CLUH: variants seen among roughly 807,000 people sequenced by gnomAD.
CLUH encodes the protein CLUH binding protein of NUMT mRNA.
In CLUH, 77 loss-of-function variants were observed where a neutral mutation model predicts 139.3. The ratio of observed to expected loss-of-function variants is 0.55; its 90% CI spans 0.46 to 0.67. CLUH has a LOEUF of 0.67. CLUH is among the 30% of genes least tolerant of loss of function. The pLI, the probability that CLUH is intolerant of heterozygous loss-of-function variation, is 0.00. For missense variants in CLUH, 1,876 were observed against 1,875.8 expected, an observed-to-expected ratio of 1.00 and a Z score of 0.00; for synonymous variants, 999 against 801.6, an observed-to-expected ratio of 1.25 and a Z score of -4.16.
Position 2,694,180 on chromosome 17 carries a change from G to C in CLUH, c.3034C>G (p.Pro1012Ala), listed in dbSNP as rs1034691708. ...AAATGGAAGGCATCCGAGGCCTTGG[G>C]GTTGACGTGCTTGACCACGGGGAAG... ...NIFPVVKHVN[P>A]KASDAFHFFQ... Residue 1012 changes from proline to alanine, a missense_variant, in exon 18 of 26, where the codon CCC (proline) becomes GCC (alanine). By Grantham distance (27) the Pro-to-Ala change is conservative. This residue lies in a region of CLUH where 1,454 missense variants were observed against 1,384.4 expected (regional missense o/e 1.05). Transcript: ENST00000651024. 6.2e-7 allele frequency: 1 copy of C among 1,613,294 alleles called. No homozygotes were observed.
chr17:2,690,437 G>A lies in CLUH; in HGVS notation c.*157C>T. 1 of 561,102 alleles carries A rather than the reference G, an allele frequency of 1.8e-6. No individual in the cohort carries two copies. Among genetic ancestry groups the A allele is most frequent in the Non-Finnish European group, 2.8e-6 (1 of 355,242 alleles). The allele number at this position is 561,102 out of a possible 1,614,324, so 34.8% of individuals were successfully genotyped here. A position where few individuals can be genotyped will look rare whatever the true frequency, so the allele number is the denominator to read the frequency against. ...CGCAAAAACACCTTCTGCGGGGCAGGCAGGCCAGGCTCCCAGGAGGACACG... is the reference window on the plus strand; with the variant it reads ...CGCAAAAACACCTTCTGCGGGGCAGACAGGCCAGGCTCCCAGGAGGACACG... On this transcript the variant is annotated 3_prime_UTR_variant, in exon 26 of 26. Coordinates refer to ENST00000651024, the MANE Select transcript of CLUH (RefSeq NM_001366661.1).
At chr17:2,702,143 C>T in intron 3 of CLUH, 86 bp from the exon 4 acceptor site, 1 of 1,478,296 alleles carries the variant, frequency 6.8e-7, no homozygotes, top group East Asian at 2.4e-5. Flanking sequence ...TTTGGAGGTG[C>T]TAACACAGTG....
At chr17:2,708,912 C>A (rs2070431574) in intron 1 of CLUH, among the ~76,000 whole-genome samples, 1 of 151,480 alleles carries the variant, frequency 6.6e-6, no homozygotes. Context: ...AAGGCCTCTA[C>A]ACCCTTGGGC....
chr17:2,700,487 C>G lies in CLUH; in HGVS notation c.1174-13G>C. On this transcript the variant is annotated splice_polypyrimidine_tract_variant and intron_variant, in intron 8 of 25. Transcript: ENST00000651024. Reference sequence around the variant, plus strand: ...TCCAGTCTCGGGTCTGCAGAGAGATCAGGGAGGGAAAAACGAGCTCAGCCT... The same window carrying G: ...TCCAGTCTCGGGTCTGCAGAGAGATGAGGGAGGGAAAAACGAGCTCAGCCT... 2.5e-6 allele frequency: 4 copies of G among 1,607,360 alleles called. No individual in the cohort carries two copies. Among genetic ancestry groups the G allele is most frequent in the Non-Finnish European group, 3.4e-6 (4 of 1,177,916 alleles).
chr17:2,700,842 AG>A lies in CLUH; in HGVS notation c.1026-18del. On this transcript the variant is annotated intron_variant, in intron 7 of 25. Coordinates refer to ENST00000651024, the MANE Select transcript of CLUH (RefSeq NM_001366661.1). ...CGCTGGACCCTGTGGCAGGCAGGGG[AG>A]GGGGAGATGGGGCAGCCCACCAAGC... is the stretch of plus-strand genomic sequence containing the variant. 1 of 1,508,086 alleles carries A rather than the reference AG, an allele frequency of 6.6e-7. No individual in the cohort carries two copies. The allele number at this position is 1,508,086 out of a possible 1,614,324, so 93.4% of individuals were successfully genotyped here.
intron 9 of CLUH, among the ~76,000 whole-genome samples, chr17:2,699,273 C>T (rs561355585): frequency 3.3e-5 from 5 of 152,168 alleles, no homozygotes; most frequent in Non-Finnish European, 5.9e-5. Flanking sequence ...AGTCGGTACC[C>T]GAGAAATGAG....
chr17:2,707,258 C>T lies in CLUH; in HGVS notation c.101-2694G>A. On this transcript the variant is annotated intron_variant, in intron 1 of 25. Coordinates refer to ENST00000651024, the MANE Select transcript of CLUH (RefSeq NM_001366661.1). This position sits in a 1 kb window ranked among gnomAD's most constrained non-coding sequence, Gnocchi z 7.4. ...AAGGCAGCCAGCTCTCCAGCTCAGC[C>T]CCAGCATTGCCCGGGTTCCTTGTTC... 1.2e-5 allele frequency: 12 copies of T among 985,428 alleles called. No homozygotes were observed. The highest frequency in any genetic ancestry group is 1.4e-5 in the Non-Finnish European group (12 of 829,916). 61.0% of individuals were successfully genotyped at this position (985,428 alleles called of 1,614,324 possible).
intron 16 of CLUH, 28 bp downstream of exon 16, chr17:2,694,822 TCCCACCC>T: frequency 1.5e-6 from 2 of 1,346,330 alleles, no homozygotes; most frequent in African/African-American, 1.5e-5. Context: ...ATCTGCCCAA[TCCCACCC>T]ACCCCACCGC....
In CLUH at chr17:2,696,450, A is replaced by C. The variant is rs1567584923; in HGVS notation, c.2274T>G (p.Pro758=). Residue 758 remains proline (P), a synonymous_variant, in exon 12 of 26, where the codon CCT becomes CCG. Coordinates refer to ENST00000651024, the MANE Select transcript of CLUH (RefSeq NM_001366661.1). ...SSTAFDIRFN[P]DIFSPGVRFP... ...ACCACCTGCCTGGTGAGAAGATGTC[A>C]GGATTGAAGCGAATGTCGAAGGCGG... 6.3e-7 allele frequency: 1 copy of C among 1,592,754 alleles called. No homozygotes were observed. The highest frequency in any genetic ancestry group is 1.8e-5 in the Admixed American group (1 of 57,140).
intron 1 of CLUH, among the ~76,000 whole-genome samples, chr17:2,709,417 G>A (rs1181361956): frequency 3.9e-5 from 6 of 152,108 alleles, no homozygotes; most frequent in African/African-American, 9.7e-5. Flanking sequence ...AGGGCCTGAG[G>A]ACAGTTCAGA....
intron 16 of CLUH, 35 bp downstream of exon 16, chr17:2,694,822 T>TGCCCCCCC: frequency 6.8e-5 from 91 of 1,346,284 alleles, no homozygotes; most frequent in Non-Finnish European, 8.9e-5. Flanking sequence ...ATCTGCCCAA[T>TGCCCCCCC]CCCACCCACC....
Position 2,698,177 on chromosome 17 carries a change from C to T in CLUH, c.1680G>A (p.Glu560=), listed in dbSNP as rs1286486964. 1.3e-6 allele frequency: 2 copies of T among 1,574,112 alleles called. No individual in the cohort carries two copies. The highest frequency in any genetic ancestry group is 2.4e-5 in the East Asian group (1 of 42,292). The change falls in exon 10 of 26, where the codon GAG becomes GAA. Residue 560 remains glutamate (E), a synonymous_variant. Transcript: ENST00000651024. The part of the protein sequence containing the change: ...VSHPRYLELL[E]RTSRPLKILR... ...GGATCTTGAGGGGCCGACTCGTGCG[C>T]TCCAGCAGCTCCAGGTACCGCGGGT...
rs183173705 is a variant in CLUH at position 2,701,419 on chromosome 17, G to A, written c.846C>T (p.Ala282=). 3,348 of 1,612,078 alleles carry A rather than the reference G, an allele frequency of 2.1e-3. 5 individuals carry two copies. Among genetic ancestry groups the A allele is most frequent in the Non-Finnish European group, 2.4e-3 (2,814 of 1,179,236 alleles). ...CGGTGATGCTGACTTGCCGGTCCTC[G>A]GCTGTGATCACAAACAGGTACATGA... ...GDLMYLFVIT[A]EDRQVSITAS... Residue 282 remains alanine (A), a synonymous_variant, in exon 6 of 26, where the codon GCC becomes GCT. Transcript: ENST00000651024.
intron 10 of CLUH, among the ~76,000 whole-genome samples, chr17:2,697,241 TACAA>T (rs1023394430): frequency 6.6e-6 from 1 of 151,570 alleles, no homozygotes; most frequent in Admixed American, 6.6e-5. Flanking sequence ...CTACTAAAAA[TACAA>T]AAAATTAGCT....
intron 1 of CLUH, among the ~76,000 whole-genome samples, chr17:2,710,514 A>C (rs551505137): frequency 6.6e-6 from 1 of 152,286 alleles, no homozygotes; most frequent in South Asian, 2.1e-4. Context: ...CCAACTGAGG[A>C]CAGTCGACGG....
At position 2,707,564 on chromosome 17, in the gene CLUH, G is replaced by A. The variant is rs946590983; in HGVS notation, c.101-3000C>T. The A allele has an allele frequency of 6.1e-6, 6 of 985,412 alleles. No individual in the cohort carries two copies. Among genetic ancestry groups the A allele is most frequent in the Non-Finnish European group, 7.2e-6 (6 of 829,890 alleles). The allele number at this position is 985,412 out of a possible 1,614,324, so 61.0% of individuals were successfully genotyped here. On this transcript the variant is annotated intron_variant, in intron 1 of 25. Transcript: ENST00000651024. This position sits in a 1 kb window ranked among gnomAD's most constrained non-coding sequence, Gnocchi z 7.4. ...TGCCGGCAAAGCCGCTAGGGGGATCGGAGAACCCAGAATTTGGGGTACCTG... is the reference window on the plus strand; with the variant it reads ...TGCCGGCAAAGCCGCTAGGGGGATCAGAGAACCCAGAATTTGGGGTACCTG...
chr17:2,698,270 G>C lies in CLUH; in HGVS notation c.1587C>G (p.Ile529Met). ...RVTAQSIIPG[I>M]LERDQEQSVI... ...CGCTCTGCTCCTGGTCCCGCTCCAG[G>C]ATGCCGGGGATGATGGACTGGGCCG... Residue 529 changes from isoleucine to methionine, a missense_variant, in exon 10 of 26, where the codon ATC (isoleucine) becomes ATG (methionine). By Grantham distance (10) the Ile-to-Met change is conservative. This residue lies in a region of CLUH where 1,454 missense variants were observed against 1,384.4 expected (regional missense o/e 1.05). Transcript: ENST00000651024. The C allele has an allele frequency of 1.2e-6, 2 of 1,610,438 alleles. No homozygotes were observed. Among genetic ancestry groups the C allele is most frequent in the Non-Finnish European group, 1.7e-6 (2 of 1,178,812 alleles).
chr17:2,694,082 G>A (rs2069829264), intron 18 of CLUH, 41 bp downstream of exon 18: 5 of 1,613,850 alleles, frequency 3.1e-6, no homozygotes, highest in South Asian at 2.2e-5. Context: ...GACGGGCCAT[G>A]GGGAACCCCC....
chr17:2,692,735 C>G, intron 20 of CLUH, 39 bp from the exon 21 acceptor site: 1 of 1,600,908 alleles, frequency 6.2e-7, no homozygotes, highest in Non-Finnish European at 8.5e-7. Flanking sequence ...TGGCCGCGGA[C>G]CCAGCCCCTC....
Sources: allele counts gnomAD v4.1 joint callset (sites outside exome capture counted in the v4.1 genomes callset), GRCh38; gene constraint gnomAD v4.1.1; regional missense constraint gnomAD v4.1.1; non-coding constraint Gnocchi (gnomAD v3.1); transcripts MANE v1.5; gene names NCBI Gene and HGNC (gene_info 2026-07-23, HGNC 2026-07-21).